Variants in SMYD3 observed in about 807,000 individuals in gnomAD.
The protein encoded by SMYD3 is SET and MYND domain containing 3, also known as histone-lysine N-methyltransferase SMYD3.
SMYD3 carries 36 observed loss-of-function variants against 57.7 expected under a neutral mutation model. The observed-to-expected ratio is 0.62, with a 90% CI of 0.48 to 0.82. The LOEUF (loss-of-function observed/expected upper bound fraction) is 0.82. SMYD3 is among the 40% of genes least tolerant of loss of function. SMYD3 has a pLI of 0.00. For missense variants in SMYD3, 515 were observed against 538.8 expected (o/e 0.96, Z 0.44); for synonymous variants, 211 against 195.0 (o/e 1.08, Z -0.68).
intron 5 of SMYD3, among the ~76,000 whole-genome samples, chr1:246,167,023 C>T (rs930684815): frequency 6.6e-6 from 1 of 152,160 alleles, no homozygotes; most frequent in Non-Finnish European, 1.5e-5. Flanking sequence ...TTCATACAAA[C>T]GGAATCACAG....
intron 5 of SMYD3, among the ~76,000 whole-genome samples, chr1:246,296,720 A>C (rs1273683805): frequency 1.3e-5 from 2 of 152,198 alleles, no homozygotes; most frequent in Non-Finnish European, 2.9e-5. Flanking sequence ...AAGGTTCAGC[A>C]TACCTTAGAA....
intron 3 of SMYD3, 118 bp from the exon 4 acceptor site, chr1:246,330,655 T>C: frequency 2.7e-6 from 2 of 753,288 alleles, no homozygotes; most frequent in Non-Finnish European, 4.0e-6. Context: ...ACATTTTCTA[T>C]ATATTCTTTC....
At chr1:245,960,075 C>T (rs571681721) in intron 5 of SMYD3, among the ~76,000 whole-genome samples, 4 of 152,130 alleles carry the variant, frequency 2.6e-5, no homozygotes, top group East Asian at 1.9e-4. Flanking sequence ...CACATGTGCT[C>T]GGCCACATAT....
At chr1:245,868,093 A>G (rs2051979324) in intron 8 of SMYD3, among the ~76,000 whole-genome samples, 1 of 152,248 alleles carries the variant, frequency 6.6e-6, no homozygotes, top group African/African-American at 2.4e-5. Flanking sequence ...ATCTGGAAGA[A>G]GTGAACTAAC....
At chr1:246,269,170 C>G (rs978970657) in intron 5 of SMYD3, among the ~76,000 whole-genome samples, 1 of 152,158 alleles carries the variant, frequency 6.6e-6, no homozygotes, top group Non-Finnish European at 1.5e-5. Flanking sequence ...CTACATGAAG[C>G]CTCCCAGTTT....
At chr1:245,885,212 T>G (rs1396627278) in intron 8 of SMYD3, among the ~76,000 whole-genome samples, 1 of 152,146 alleles carries the variant, frequency 6.6e-6, no homozygotes, top group African/African-American at 2.4e-5. Context: ...CATCTGAACA[T>G]CTGAAGGAAT....
chr1:245,863,351 G>A (rs1178702931), intron 9 of SMYD3, among the ~76,000 whole-genome samples: 3 of 152,150 alleles, frequency 2.0e-5, no homozygotes, highest in African/African-American at 7.2e-5. Context: ...GAGAAAATGT[G>A]TCGTGCAGCA....
intron 5 of SMYD3, among the ~76,000 whole-genome samples, chr1:246,190,570 G>A (rs1419649647): frequency 2.9e-5 from 3 of 102,058 alleles, no homozygotes; most frequent in Non-Finnish European, 5.4e-5. Flanking sequence ...AGGTGACAGA[G>A]TAAGACTCTG....
intron 10 of SMYD3, among the ~76,000 whole-genome samples, chr1:245,788,609 T>A (rs1406505660): frequency 1.3e-5 from 2 of 152,188 alleles, no homozygotes; most frequent in East Asian, 3.9e-4. Context: ...ACTCAGGCCA[T>A]GCAGCAAGCT....
chr1:246,339,901 T>C (rs1053587941), intron 2 of SMYD3, among the ~76,000 whole-genome samples: 12 of 152,216 alleles, frequency 7.9e-5, no homozygotes, highest in African/African-American at 2.9e-4. Context: ...CCCTTACAGA[T>C]GTAATCCCTC....
chr1:245,958,986 C>A (rs1414517195), intron 5 of SMYD3, among the ~76,000 whole-genome samples: 2 of 152,180 alleles, frequency 1.3e-5, no homozygotes, highest in Non-Finnish European at 2.9e-5. Flanking sequence ...CAGCTCACTT[C>A]AACCTCCGCC....
At chr1:245,769,164 T>C (rs749406491) in intron 10 of SMYD3, among the ~76,000 whole-genome samples, 1 of 152,180 alleles carries the variant, frequency 6.6e-6, no homozygotes, top group Non-Finnish European at 1.5e-5. Flanking sequence ...GGAGAAAATA[T>C]CACTTGATGA....
chr1:246,195,670 A>G (rs1410900361), intron 5 of SMYD3, among the ~76,000 whole-genome samples: 1 of 152,164 alleles, frequency 6.6e-6, no homozygotes, highest in Admixed American at 6.5e-5. Context: ...CCTTTCTTCT[A>G]AATTTTACCT....
At chr1:246,227,431 T>C (rs1231690958) in intron 5 of SMYD3, among the ~76,000 whole-genome samples, 1 of 152,132 alleles carries the variant, frequency 6.6e-6, no homozygotes, top group Non-Finnish European at 1.5e-5. Flanking sequence ...CTGGCTAACA[T>C]GGTGAAACCC....
intron 5 of SMYD3, among the ~76,000 whole-genome samples, chr1:246,148,350 C>G (rs528544812): frequency 6.6e-4 from 100 of 152,262 alleles, no homozygotes; most frequent in African/African-American, 2.3e-3. Context: ...AGAGGAGCCA[C>G]CATCTCCAGG....
chr1:246,459,387 C>T (rs1212204110), intron 1 of SMYD3, among the ~76,000 whole-genome samples: 1 of 151,558 alleles, frequency 6.6e-6, no homozygotes, highest in Non-Finnish European at 1.5e-5. Flanking sequence ...TCCTGCTCTG[C>T]TGTTCTCCTG....
intron 5 of SMYD3, among the ~76,000 whole-genome samples, chr1:246,023,366 G>A (rs151083388): frequency 1.3e-5 from 2 of 152,282 alleles, no homozygotes; most frequent in East Asian, 3.9e-4. Flanking sequence ...AGCTCTCGCA[G>A]ATTAATCAAA....
At chr1:246,182,399 T>G (rs113932732) in intron 5 of SMYD3, among the ~76,000 whole-genome samples, 390 of 152,184 alleles carry the variant, frequency 2.6e-3, no homozygotes, top group African/African-American at 8.8e-3. Flanking sequence ...ATAGAACTGA[T>G]CCAAAGGGGA....
At chr1:245,785,145 G>A (rs1203379319) in intron 10 of SMYD3, among the ~76,000 whole-genome samples, 1 of 151,842 alleles carries the variant, frequency 6.6e-6, no homozygotes, top group East Asian at 2.0e-4. Flanking sequence ...GCCTCCCAAA[G>A]TGCTGGAATT....
Sources: allele counts gnomAD v4.1 joint callset (sites outside exome capture counted in the v4.1 genomes callset), GRCh38; gene constraint gnomAD v4.1.1; transcripts MANE v1.5; gene names NCBI Gene and HGNC (gene_info 2026-07-23, HGNC 2026-07-21).